The following PNN variants were observed in gnomAD, a reference collection of about 807,000 sequenced individuals.
The protein encoded by PNN is pinin.
In PNN, 38 loss-of-function variants were observed where a neutral mutation model predicts 76.6. The ratio of observed to expected loss-of-function variants is 0.50; its 90% confidence interval spans 0.38 to 0.65. The LOEUF is 0.65. Among genes scored for constraint, PNN ranks in the 30% least tolerant of loss-of-function variants. The probability of loss-of-function intolerance (pLI) is 0.00; values close to 1 mark genes in which losing one functional copy is unlikely to be tolerated. For missense variants in PNN, 873 were observed against 874.1 expected (o/e 1.00, Z 0.02); for synonymous variants, 366 against 283.7 (o/e 1.29, Z -2.91).
chr14:39,177,816 T>A lies in PNN; in HGVS notation c.423-25T>A, dbSNP rs1479284412. 2.5e-6 allele frequency: 4 copies of A among 1,570,092 alleles called. No homozygotes were observed. The Admixed American group carries it at 5.0e-5, about 20-fold the overall frequency. On this transcript the variant is annotated intron_variant, in intron 5 of 8. Coordinates refer to ENST00000216832, the MANE Select transcript of PNN (RefSeq NM_002687.4). Reference sequence around the variant, plus strand: ...TAAATGAAATGGATCCTGTTGACAGTAAATTTTCTTATTCTGTTCTTTAGG... The same window carrying A: ...TAAATGAAATGGATCCTGTTGACAGAAAATTTTCTTATTCTGTTCTTTAGG...
At position 39,181,655 on chromosome 14, in the gene PNN, G is replaced by T. The variant is rs200352498; in HGVS notation, c.1946G>T (p.Ser649Ile). 2.5e-6 allele frequency: 4 copies of T among 1,614,066 alleles called. No individual in the cohort carries two copies. Among genetic ancestry groups the T allele is most frequent in the Non-Finnish European group, 3.4e-6 (4 of 1,179,952 alleles). The change falls in exon 9 of 9, where the codon AGC becomes ATC. Residue 649 changes from serine to isoleucine, a missense_variant. Transcript: ENST00000216832. ...GHNRDRKHRR[S>I]VDRKRRDTSG... ...AATAGAGATAGAAAGCACAGAAGGA[G>T]CGTGGATCGGAAGAGAAGGGATACT...
rs772308990 is a variant in PNN, at chr14:39,177,492, G to A, written c.327+8G>A. The A allele has an allele frequency of 5.0e-6, 8 of 1,612,624 alleles. No individual in the cohort carries two copies. The Admixed American group carries it at 6.7e-5, about 13-fold the overall frequency. The stretch of plus-strand genomic sequence containing the variant: ...GATGATGATGTTAAAAAGGTATTGA[G>A]ATTGAAAGAACTTAAATGAATGTAG... On this transcript the variant is annotated splice_region_variant and intron_variant, in intron 4 of 8. Transcript: ENST00000216832.
intron 1 of PNN, chr14:39,175,632 C>A: frequency 1.8e-6 from 1 of 541,010 alleles, no homozygotes; most frequent in Non-Finnish European, 3.2e-6. Flanking sequence ...GGCATGCTTT[C>A]TTGGCCTGTG....
Position 39,179,372 on chromosome 14 carries a change from A to G in PNN, c.703A>G (p.Thr235Ala). ...HNAKIIKYIR[T>A]KTKPHLFYIP... is the part of the protein sequence containing the mutation. ...TGCCAAAATAATTAAATATATAAGA[A>G]CTAAGACAAAGCCCCATTTGTTTTA... Residue 235 changes from threonine (T) to alanine (A), a missense_variant, in exon 8 of 9, where the codon ACT becomes GCT. Thr to Ala is a moderately conservative substitution (Grantham distance 58, BLOSUM62 0). Around this residue, in one of 3 missense-constraint regions of PNN, gnomAD observed 712 missense variants for 693.1 expected, o/e 1.03. Transcript: ENST00000216832. 1 of 1,611,432 alleles carries G rather than the reference A, an allele frequency of 6.2e-7. No homozygotes were observed. The highest frequency in any genetic ancestry group is 8.5e-7 in the Non-Finnish European group (1 of 1,177,748).
intron 8 of PNN, 100 bp downstream of exon 8, chr14:39,179,562 G>T: frequency 1.9e-6 from 2 of 1,067,722 alleles, no homozygotes; most frequent in African/African-American, 1.7e-5. Flanking sequence ...TTCAGTGATT[G>T]GTTTGCTGTG....
rs115685255 is a variant in PNN at position 39,176,001 on chromosome 14, C to T, written c.114-77C>T. ...TTTTGTGATTTTTTCTCCTTATGAT[C>T]CACATCTCTGAAAGTATTTGGGTGC... is the stretch of plus-strand genomic sequence containing the variant. On this transcript the variant is annotated intron_variant, in intron 1 of 8. Transcript: ENST00000216832. The T allele has an allele frequency of 4.3e-3, 3,303 of 765,118 alleles. 93 individuals carry two copies. The African/African-American group carries it at 0.051, about 12-fold the overall frequency. The allele number at this position is 765,118 out of a possible 1,614,324, so 47.4% of individuals were successfully genotyped here.
chr14:39,180,286 C>G (rs1403648373), intron 8 of PNN, among the ~76,000 whole-genome samples: 1 of 152,172 alleles, frequency 6.6e-6, no homozygotes, highest in East Asian at 1.9e-4. Context: ...ATGTGTAGTT[C>G]TGTCTGCCAC....
chr14:39,181,571 G>GT lies in PNN; in HGVS notation c.1863dup (p.Ser622Ter). 1 of 1,613,186 alleles carries GT rather than the reference G, an allele frequency of 6.2e-7. No individual in the cohort carries two copies. The stretch of plus-strand genomic sequence containing the variant: ...ACAAGTGGCAGCAGCAGCAGAGATA[G>GT]TAGCAGTAGCACTAGTAGTAGTAGT... On this transcript the variant is annotated frameshift_variant, in exon 9 of 9. Transcript: ENST00000216832. LOFTEE classifies it high-confidence loss of function.
rs147823404 is a variant in PNN, at chr14:39,175,493, G to C, written c.113+101G>C. 8.8e-4 allele frequency: 654 copies of C among 746,244 alleles called. 9 individuals are homozygous for C. The East Asian group carries it at 0.017, about 20-fold the overall frequency. The allele number at this position is 746,244 out of a possible 1,614,324, so 46.2% of individuals were successfully genotyped here. A position where few individuals can be genotyped will look rare whatever the true frequency, so the allele number is the denominator to read the frequency against. ...AGGGCGGCCAGCCTTAAGAAGACTG[G>C]AACCTCGAGGCCTGTTCGCGGGGCG... On this transcript the variant is annotated intron_variant, in intron 1 of 8. Coordinates refer to ENST00000216832, the MANE Select transcript of PNN (RefSeq NM_002687.4).
At chr14:39,178,815 G>T (rs1415742180) in intron 6 of PNN, among the ~76,000 whole-genome samples, 1 of 151,312 alleles carries the variant, frequency 6.6e-6, no homozygotes, top group African/African-American at 2.4e-5. Context: ...TCAGCTCACT[G>T]CAACCTCCGC....
chr14:39,181,338 G>A lies in PNN; in HGVS notation c.1629G>A (p.Glu543=), dbSNP rs1278281593. 3.1e-6 allele frequency: 5 copies of A among 1,614,094 alleles called. No homozygotes were observed. The highest frequency in any genetic ancestry group is 3.4e-6 in the Non-Finnish European group (4 of 1,180,022). Residue 543 remains glutamate (E), a synonymous_variant, in exon 9 of 9, where the codon GAG becomes GAA. Coordinates refer to ENST00000216832, the MANE Select transcript of PNN (RefSeq NM_002687.4). ...ESVKLTEVPV[E]PVLTVHPESK... Reference sequence around the variant, plus strand: ...TAAAACTCACTGAGGTACCAGTAGAGCCAGTCTTGACAGTACATCCAGAGA... The same window carrying A: ...TAAAACTCACTGAGGTACCAGTAGAACCAGTCTTGACAGTACATCCAGAGA...
intron 6 of PNN, among the ~76,000 whole-genome samples, chr14:39,178,387 C>A (rs115451838): frequency 6.6e-6 from 1 of 151,978 alleles, no homozygotes; most frequent in Admixed American, 6.6e-5. Context: ...CAAAATTAGC[C>A]GCCTGTGGTG....
chr14:39,176,014 AGTATTTGG>A, intron 1 of PNN, 56 bp from the exon 2 acceptor site: 1 of 829,638 alleles, frequency 1.2e-6, no homozygotes, highest in Non-Finnish European at 2.1e-6. Context: ...CATCTCTGAA[AGTATTTGG>A]GTGCGACTGT....
intron 8 of PNN, among the ~76,000 whole-genome samples, chr14:39,180,123 A>G (rs1002569581): frequency 6.6e-6 from 1 of 152,208 alleles, no homozygotes; most frequent in Admixed American, 6.5e-5. Flanking sequence ...TGGAAAACAC[A>G]TGGAAGGATA....
chr14:39,175,507 G>C, intron 1 of PNN, 115 bp downstream of exon 1: 1 of 704,614 alleles, frequency 1.4e-6, no homozygotes, highest in Non-Finnish European at 2.5e-6. Flanking sequence ...CTCGAGGCCT[G>C]TTCGCGGGGC....
chr14:39,180,044 T>C (rs919574977), intron 8 of PNN, among the ~76,000 whole-genome samples: 1 of 152,172 alleles, frequency 6.6e-6, no homozygotes, highest in African/African-American at 2.4e-5. Flanking sequence ...AATTACTTTT[T>C]TTTGCATGCT....
chr14:39,175,649 C>T (rs781558176), intron 1 of PNN: 1 of 518,316 alleles, frequency 1.9e-6, no homozygotes, highest in Non-Finnish European at 3.4e-6. Context: ...TGTGAGAAGA[C>T]CCGGACTGCT....
At position 39,180,927 on chromosome 14, in the gene PNN, G is replaced by A; in HGVS notation, c.1218G>A (p.Met406Ile). 6.2e-7 allele frequency: 1 copy of A among 1,614,088 alleles called. No homozygotes were observed. The highest frequency in any genetic ancestry group is 8.5e-7 in the Non-Finnish European group (1 of 1,180,018). Residue 406 changes from methionine to isoleucine, a missense_variant, in exon 9 of 9, where the codon ATG becomes ATA. Around this residue, in one of 3 missense-constraint regions of PNN, gnomAD observed 712 missense variants for 693.1 expected, o/e 1.03. Coordinates refer to ENST00000216832, the MANE Select transcript of PNN (RefSeq NM_002687.4). ...VKHVIADQEV[M>I]ETNRVESVEP... is the part of the protein sequence containing the mutation. ...ATGTAATTGCTGACCAGGAGGTAAT[G>A]GAAACTAATCGAGTTGAAAGTGTAG... is the stretch of plus-strand genomic sequence containing the variant.
chr14:39,176,130 C>T lies in PNN; in HGVS notation c.166C>T (p.Arg56Cys). 2 of 1,602,020 alleles carry T rather than the reference C, an allele frequency of 1.2e-6. No individual in the cohort carries two copies. The highest frequency in any genetic ancestry group is 1.7e-6 in the Non-Finnish European group (2 of 1,169,020). ...TTCTGGTCCTGGTGGAGGTAGAGGA[C>T]GTGGTAGTTTATTACTGAGGTAAGA... ...ALSGPGGGRG[R>C]GSLLLRRGFS... is the part of the protein sequence containing the mutation. The change falls in exon 2 of 9, where the codon CGT becomes TGT. Residue 56 changes from arginine to cysteine, a missense_variant. Around this residue, in one of 3 missense-constraint regions of PNN, gnomAD observed 156 missense variants for 161.7 expected, o/e 0.96. Transcript: ENST00000216832.
Sources: gnomAD v4.1 joint callset for allele counts (sites outside exome capture counted in the v4.1 genomes callset) on GRCh38, gnomAD v4.1.1 for gene constraint, gnomAD v4.1.1 regional missense constraint, MANE v1.5 for transcripts, NCBI Gene and HGNC (gene_info 2026-07-23, HGNC 2026-07-21) for gene names.